Variants in WBP1L observed in about 807,000 individuals in gnomAD.
The protein encoded by WBP1L is WW domain binding protein 1-like.
In WBP1L, 17 loss-of-function variants were observed where a neutral mutation model predicts 33.7. The observed-to-expected ratio is 0.50, with a 90% confidence interval of 0.34 to 0.76. WBP1L has a LOEUF of 0.76. WBP1L is among the 30% of genes least tolerant of loss of function. The pLI is 0.01. For missense variants in WBP1L, 389 were observed against 469.4 expected, an observed-to-expected ratio of 0.83 and a Z score of 1.58; for synonymous variants, 173 against 190.8, an observed-to-expected ratio of 0.91 and a Z score of 0.77.
rs1448255964 is a variant in WBP1L, at chr10:102,747,377, AAAAG to A, written c.90+3237_90+3240del. Among the ~76,000 whole-genome samples, 3 of 151,990 alleles carry A rather than the reference AAAAG, an allele frequency of 2.0e-5. No homozygotes were observed. In the East Asian group the frequency reaches 5.8e-4, roughly 29 times the overall value. ...CCGTCTCAAAAAAAAAAAAAAAAAA[AAAAG>A]AATGAGAAAACAGTAGATGCTCCAA... is the stretch of plus-strand genomic sequence containing the variant. On this transcript the variant is annotated intron_variant, in intron 1 of 3. Coordinates refer to ENST00000448841, the MANE Select transcript of WBP1L (RefSeq NM_001083913.2).
chr10:102,809,146 C>G (rs553579015), intron 2 of WBP1L, among the ~76,000 whole-genome samples: 12 of 150,802 alleles, frequency 8.0e-5, no homozygotes, highest in Non-Finnish European at 1.5e-4. Flanking sequence ...GGTGCAATCT[C>G]GGCTCACTGC....
intron 1 of WBP1L, among the ~76,000 whole-genome samples, chr10:102,782,774 A>G (rs2482509): frequency 1 from 152,212 of 152,242 alleles, 76,091 homozygotes; most frequent in Non-Finnish European, 1. Context: ...GGGGCAGTGC[A>G]GGGAAGGAGA....
chr10:102,754,828 C>T (rs937624802), intron 1 of WBP1L, among the ~76,000 whole-genome samples: 7 of 152,130 alleles, frequency 4.6e-5, no homozygotes, highest in African/African-American at 1.4e-4. Context: ...CCTCTGCCTC[C>T]CAAGTAGCTA....
intron 1 of WBP1L, among the ~76,000 whole-genome samples, chr10:102,763,463 C>T (rs1036053926): frequency 9.2e-5 from 14 of 152,120 alleles, no homozygotes; most frequent in Admixed American, 5.9e-4. Flanking sequence ...TCTCTGTGCA[C>T]TGCTGATAGA....
chr10:102,772,042 G>C (rs1393115540), intron 1 of WBP1L, among the ~76,000 whole-genome samples: 2 of 139,420 alleles, frequency 1.4e-5, no homozygotes, highest in Non-Finnish European at 3.1e-5. Context: ...CTCACTGCAA[G>C]CTCTGCCTCC....
In WBP1L at chr10:102,812,856, A is replaced by T. The variant is rs1291525560; in HGVS notation, c.617A>T (p.Asp206Val). 1.9e-6 allele frequency: 3 copies of T among 1,572,894 alleles called. No homozygotes were observed. The South Asian group carries it at 3.5e-5, about 18-fold the overall frequency. ...ADPDPSDLPV[D>V]RAATKAPGME... Reference sequence around the variant, plus strand: ...CCTGATCCCTCTGACCTACCAGTTGACCGAGCAGCCACCAAAGCCCCAGGG... The same window carrying T: ...CCTGATCCCTCTGACCTACCAGTTGTCCGAGCAGCCACCAAAGCCCCAGGG... The change falls in exon 4 of 4, where the codon GAC becomes GTC. Residue 206 changes from aspartate (D) to valine (V), a missense_variant. Coordinates refer to ENST00000448841, the MANE Select transcript of WBP1L (RefSeq NM_001083913.2).
chr10:102,808,354 C>A (rs1843769276), intron 2 of WBP1L, among the ~76,000 whole-genome samples: 1 of 151,722 alleles, frequency 6.6e-6, no homozygotes, highest in Non-Finnish European at 1.5e-5. Context: ...AAGCAAAATT[C>A]CTCATTAATT....
At chr10:102,782,346 A>G (rs1411696449) in intron 1 of WBP1L, among the ~76,000 whole-genome samples, 1 of 150,830 alleles carries the variant, frequency 6.6e-6, no homozygotes, top group Non-Finnish European at 1.5e-5. Flanking sequence ...ATTTTGAAAC[A>G]TTATCCAGGA....
At chr10:102,792,592 C>CTTTTTT (rs11368357) in intron 1 of WBP1L, among the ~76,000 whole-genome samples, 64 of 103,562 alleles carry the variant, frequency 6.2e-4, no homozygotes, top group Admixed American at 1.2e-3. Context: ...TTTTTCTTTT[C>CTTTTTT]TTTTTTTTTT....
intron 1 of WBP1L, among the ~76,000 whole-genome samples, chr10:102,792,385 C>A (rs1843512189): frequency 6.6e-6 from 1 of 152,168 alleles, no homozygotes; most frequent in Non-Finnish European, 1.5e-5. Context: ...GAGTTTTGTG[C>A]AAATGAAAAC....
chr10:102,756,183 C>T (rs1842973993), intron 1 of WBP1L, among the ~76,000 whole-genome samples: 1 of 151,980 alleles, frequency 6.6e-6, no homozygotes, highest in South Asian at 2.1e-4. Flanking sequence ...GAGGCCAAGG[C>T]GGGTGGATCA....
chr10:102,763,128 T>A (rs10883773), intron 1 of WBP1L, among the ~76,000 whole-genome samples: 6 of 149,702 alleles, frequency 4.0e-5, no homozygotes, highest in Non-Finnish European at 5.9e-5. Context: ...CACTTGAGAC[T>A]GGGAGGCAGA....
chr10:102,775,203 C>T lies in WBP1L; in HGVS notation c.91-22790C>T, dbSNP rs144621079. On this transcript the variant is annotated intron_variant, in intron 1 of 3. Transcript: ENST00000448841. The stretch of plus-strand genomic sequence containing the variant: ...TCTCCTTGAGTCATTTCTGGAAATC[C>T]GAACCCAAACATGGACCTTTTGTGC... Among the ~76,000 whole-genome samples, 805 of 151,778 alleles carry T rather than the reference C, an allele frequency of 5.3e-3. 8 individuals carry two copies. The highest frequency in any genetic ancestry group is 0.014 in the Middle Eastern group (4 of 294).
intron 1 of WBP1L, among the ~76,000 whole-genome samples, chr10:102,756,175 G>A (rs1282292548): frequency 3.9e-5 from 6 of 152,158 alleles, no homozygotes; most frequent in Admixed American, 3.3e-4. Context: ...CACTTTGGGA[G>A]GCCAAGGCGG....
intron 1 of WBP1L, among the ~76,000 whole-genome samples, chr10:102,791,982 T>A (rs1442886483): frequency 6.6e-6 from 1 of 152,244 alleles, no homozygotes; most frequent in East Asian, 1.9e-4. Flanking sequence ...GAATAGCAAC[T>A]GTAAGATGTG....
intron 1 of WBP1L, among the ~76,000 whole-genome samples, chr10:102,765,716 CAT>C (rs1843097897): frequency 6.6e-6 from 1 of 152,190 alleles, no homozygotes; most frequent in African/African-American, 2.4e-5. Flanking sequence ...ATATCTAAAA[CAT>C]AAAGTGTGAA....
chr10:102,811,148 G>A (rs3758544), intron 3 of WBP1L, among the ~76,000 whole-genome samples: 2,515 of 152,116 alleles, frequency 0.017, 41 homozygotes, highest in East Asian at 0.064. Context: ...GGCTCACACC[G>A]GGCTCGGTGG....
At chr10:102,748,574 A>G (rs1842891923) in intron 1 of WBP1L, among the ~76,000 whole-genome samples, 3 of 152,200 alleles carry the variant, frequency 2.0e-5, no homozygotes, top group Admixed American at 1.3e-4. Flanking sequence ...AGTTTCTGCA[A>G]ACTCTTTCAG....
intron 1 of WBP1L, among the ~76,000 whole-genome samples, chr10:102,751,644 G>T (rs370476339): frequency 7.2e-5 from 11 of 152,154 alleles, no homozygotes; most frequent in Admixed American, 2.6e-4. Flanking sequence ...AAACTAAATA[G>T]CTGTATGTAG....
Sources: gnomAD v4.1 joint callset for allele counts (sites outside exome capture counted in the v4.1 genomes callset) on GRCh38, gnomAD v4.1.1 for gene constraint, MANE v1.5 for transcripts, NCBI Gene and HGNC (gene_info 2026-07-23, HGNC 2026-07-21) for gene names.